FREM3: variants seen among roughly 807,000 people sequenced by gnomAD.
The protein encoded by FREM3 is FRAS1-related extracellular matrix protein 3.
Under a neutral mutation model 129.1 loss-of-function variants are expected in FREM3, and 105 were observed. That is an observed-to-expected ratio of 0.81 (90% CI 0.69 to 0.96). The LOEUF is 0.96. Ranked by LOEUF, FREM3 falls within the 40% of genes least tolerant of loss-of-function variation. The probability of loss-of-function intolerance (pLI) is 0.00; values close to 1 mark genes in which losing one functional copy is unlikely to be tolerated. For synonymous variants in FREM3, 1,014 were observed against 1,044.9 expected, an observed-to-expected ratio of 0.97 and a Z score of 0.57; for missense variants, 2,593 against 2,666.3, an observed-to-expected ratio of 0.97 and a Z score of 0.61.
At chr4:143,681,717 T>C (rs1442031118) in intron 2 of FREM3, among the ~76,000 whole-genome samples, 1 of 152,188 alleles carries the variant, frequency 6.6e-6, no homozygotes, top group East Asian at 1.9e-4. Context: ...TCCATGACTA[T>C]GTGAGAGGAA....
In FREM3 at chr4:143,697,087, A is replaced by C. The variant is rs1448550826; in HGVS notation, c.3589T>G (p.Phe1197Val). Reference protein sequence around the residue: ...LPTNDEQPKLFAHEFKVLEGM... With the variant: ...LPTNDEQPKLVAHEFKVLEGM... ...TCTAGTACCTTAAACTCATGGGCAA[A>C]AAGTTTAGGCTGCTCATCATTGGTG... is the stretch of plus-strand genomic sequence containing the variant. Residue 1197 changes from phenylalanine to valine, a missense_variant, in exon 1 of 8, where the codon TTT (phenylalanine) becomes GTT (valine). Physicochemically the swap from Phe to Val is conservative, Grantham distance 50. This residue lies in a region of FREM3 where 2,276 missense variants were observed against 2,267.2 expected (regional missense o/e 1.00). Coordinates refer to ENST00000329798, the MANE Select transcript of FREM3 (RefSeq NM_001168235.2). 5.2e-6 allele frequency: 8 copies of C among 1,537,684 alleles called. No individual in the cohort carries two copies. Among genetic ancestry groups the C allele is most frequent in the Non-Finnish European group, 7.0e-6 (8 of 1,146,996 alleles).
intron 2 of FREM3, among the ~76,000 whole-genome samples, chr4:143,677,386 A>G (rs1471701183): frequency 6.6e-6 from 1 of 152,244 alleles, no homozygotes; most frequent in Non-Finnish European, 1.5e-5. Context: ...TTATACAAAA[A>G]TTAATTCAAG....
At position 143,585,743 on chromosome 4, in the gene FREM3, G is replaced by T; in HGVS notation, c.6178+101C>A. 1 of 1,190,386 alleles carries T rather than the reference G, an allele frequency of 8.4e-7. No homozygotes were observed. Among genetic ancestry groups the T allele is most frequent in the South Asian group, 1.6e-5 (1 of 61,238 alleles). 73.7% of individuals were successfully genotyped at this position (1,190,386 alleles called of 1,614,324 possible). On this transcript the variant is annotated intron_variant, in intron 7 of 7. Coordinates refer to ENST00000329798, the MANE Select transcript of FREM3 (RefSeq NM_001168235.2). This position sits in a 1 kb window ranked among gnomAD's most constrained non-coding sequence, Gnocchi z 4.2. Reference sequence around the variant, plus strand: ...CTGAAGCCAGAGAAACTTTCATTCAGAGTCCATCAACAAAGACTAAGCATG... The same window carrying T: ...CTGAAGCCAGAGAAACTTTCATTCATAGTCCATCAACAAAGACTAAGCATG...
intron 2 of FREM3, among the ~76,000 whole-genome samples, chr4:143,667,371 T>A (rs549331328): frequency 7.2e-5 from 11 of 152,290 alleles, no homozygotes; most frequent in African/African-American, 2.6e-4. Flanking sequence ...CAACTGAGAA[T>A]CTAATGCTGG....
At chr4:143,658,357 C>T (rs992156720) in intron 2 of FREM3, among the ~76,000 whole-genome samples, 9 of 152,148 alleles carry the variant, frequency 5.9e-5, no homozygotes, top group Non-Finnish European at 1.2e-4. Flanking sequence ...TTGTGAACCA[C>T]GAAACAGGCC....
At chr4:143,677,519 C>A (rs1249787424) in intron 2 of FREM3, among the ~76,000 whole-genome samples, 1 of 152,186 alleles carries the variant, frequency 6.6e-6, no homozygotes, top group African/African-American at 2.4e-5. Context: ...AAAGCAATGG[C>A]AACAGAAGCC....
In FREM3 at chr4:143,697,277, A is replaced by G. The variant is rs1740591745; in HGVS notation, c.3399T>C (p.Gly1133=). 6.5e-7 allele frequency: 1 copy of G among 1,537,322 alleles called. No individual in the cohort carries two copies. Among genetic ancestry groups the G allele is most frequent in the Non-Finnish European group, 8.7e-7 (1 of 1,146,932 alleles). ...SAPGSKMSQS[G]SPISAFSLRD... The stretch of plus-strand genomic sequence containing the variant: ...TGAGGGAGAAAGCACTGATAGGGCT[A>G]CCAGACTGGGACATTTTTGAACCAG... The change falls in exon 1 of 8, where the codon GGT becomes GGC. Residue 1133 remains glycine, a synonymous_variant. Coordinates refer to ENST00000329798, the MANE Select transcript of FREM3 (RefSeq NM_001168235.2).
chr4:143,627,914 T>A (rs1739071593), intron 2 of FREM3, among the ~76,000 whole-genome samples, 154 bp from the exon 3 acceptor site: 1 of 152,180 alleles, frequency 6.6e-6, no homozygotes, highest in Admixed American at 6.6e-5. Context: ...AAATGTTGTT[T>A]GCTTTTCTAG....
At chr4:143,627,805 T>G (rs1348300189) in intron 2 of FREM3, 45 bp from the exon 3 acceptor site, 1 of 1,343,064 alleles carries the variant, frequency 7.4e-7, no homozygotes, top group Non-Finnish European at 1.0e-6. Context: ...GAGTATTTGA[T>G]GGCAATATTC....
chr4:143,674,453 A>C (rs1740067301), intron 2 of FREM3, among the ~76,000 whole-genome samples: 1 of 152,192 alleles, frequency 6.6e-6, no homozygotes, highest in Non-Finnish European at 1.5e-5. Flanking sequence ...AATTGTAAAG[A>C]CCATTGATGC....
chr4:143,601,773 C>G (rs1311392377), intron 6 of FREM3: 1 of 152,064 alleles, frequency 6.6e-6, no homozygotes, highest in Non-Finnish European at 1.5e-5. Context: ...TCGTCCCTGG[C>G]CTGGGGTAAT....
At chr4:143,662,969 A>C (rs1421862577) in intron 2 of FREM3, among the ~76,000 whole-genome samples, 2 of 152,074 alleles carry the variant, frequency 1.3e-5, no homozygotes, top group Non-Finnish European at 2.9e-5. Flanking sequence ...TTTTGAGCCT[A>C]TGTGTATTTC....
rs1317795893 is a variant in FREM3 at position 143,585,853 on chromosome 4, A to G, written c.6169T>C (p.Ser2057Pro). The G allele has an allele frequency of 1.3e-6, 2 of 1,536,838 alleles. No homozygotes were observed. The highest frequency in any genetic ancestry group is 1.7e-6 in the Non-Finnish European group (2 of 1,146,846). ...AVRSRKSEQE[S>P]AEAGTDYVGI... ...TAAGTGGCCCTCTCACCTTCTGCTGACTCCTGCTCTGACTTTCTGGAGCGC... is the reference window on the plus strand; with the variant it reads ...TAAGTGGCCCTCTCACCTTCTGCTGGCTCCTGCTCTGACTTTCTGGAGCGC... The change falls in exon 7 of 8, where the codon TCA (serine) becomes CCA (proline). Residue 2057 changes from serine to proline, a missense_variant. Transcript: ENST00000329798. The surrounding 1 kb of genome is among the most constrained non-coding windows in gnomAD (Gnocchi z 4.2).
At position 143,590,164 on chromosome 4, in the gene FREM3, A is replaced by G. The variant is rs575448068; in HGVS notation, c.6029-4171T>C. Among the ~76,000 whole-genome samples the G allele has an allele frequency of 1.3e-4, 20 of 152,276 alleles. No individual in the cohort carries two copies. The East Asian group carries it at 3.9e-3, about 29-fold the overall frequency. ...TGAGACGATGGGGTTTTCTAGATAT[A>G]CAATCATGTCATCTGCAAACAGGGA... On this transcript the variant is annotated intron_variant, in intron 6 of 7. Transcript: ENST00000329798.
chr4:143,586,788 G>GT (rs1738251069), intron 6 of FREM3, among the ~76,000 whole-genome samples: 1 of 152,206 alleles, frequency 6.6e-6, no homozygotes, highest in Non-Finnish European at 1.5e-5. Flanking sequence ...AGGCTTAGCT[G>GT]TAACAATACC....
At chr4:143,644,180 T>A (rs1367808795) in intron 2 of FREM3, among the ~76,000 whole-genome samples, 1 of 40,784 alleles carries the variant, frequency 2.5e-5, no homozygotes, top group Admixed American at 2.8e-4. Context: ...TCTGCATATG[T>A]GTGTGTGTGT....
chr4:143,673,505 G>T (rs1309533075), intron 2 of FREM3, among the ~76,000 whole-genome samples: 3 of 152,184 alleles, frequency 2.0e-5, no homozygotes, highest in Admixed American at 1.3e-4. Flanking sequence ...TGCCCCTACT[G>T]GGGGGTGCCT....
chr4:143,649,907 T>G (rs1739481538), intron 2 of FREM3, among the ~76,000 whole-genome samples: 2 of 152,208 alleles, frequency 1.3e-5, no homozygotes, highest in African/African-American at 4.8e-5. Flanking sequence ...AATCAATTGG[T>G]TGTTCAAATT....
intron 3 of FREM3, 21 bp from the exon 4 acceptor site, chr4:143,624,359 T>C (rs1739009139): frequency 7.0e-7 from 1 of 1,437,438 alleles, no homozygotes; most frequent in Non-Finnish European, 9.5e-7. Flanking sequence ...ATCAGAAAAC[T>C]ATAAATATAA....
Sources: gnomAD v4.1 joint callset for allele counts (sites outside exome capture counted in the v4.1 genomes callset) on GRCh38, gnomAD v4.1.1 for gene constraint, gnomAD v4.1.1 regional missense constraint, Gnocchi (gnomAD v3.1) non-coding constraint, MANE v1.5 for transcripts, NCBI Gene and HGNC (gene_info 2026-07-23, HGNC 2026-07-21) for gene names.